The following DZIP1 variants were observed in gnomAD, a reference collection of about 807,000 sequenced individuals.
The protein encoded by DZIP1 is cilium assembly protein DZIP1.
DZIP1 carries 97 observed loss-of-function variants against 107.6 expected under a neutral mutation model. The observed-to-expected ratio is 0.90, with a 90% confidence interval of 0.77 to 1.07. The LOEUF (loss-of-function observed/expected upper bound fraction) is 1.07, where lower values mean the gene tolerates loss of function less well. Ranked by LOEUF, DZIP1 falls within the 50% of genes least tolerant of loss-of-function variation. DZIP1 has a pLI of 0.00. For missense variants in DZIP1, 1,035 were observed against 1,063.6 expected, an observed-to-expected ratio of 0.97 and a Z score of 0.37; for synonymous variants, 390 against 386.4, an observed-to-expected ratio of 1.01 and a Z score of -0.11.
chr13:95,611,454 C>A lies in DZIP1; in HGVS notation c.1354G>T (p.Glu452Ter). ...FTCNPLNSIS[E>*]PKGNPLAWQA... ...GATCCCATCCACTTACCTTTGGGTT[C>A]ACTGATACTGTTTAATGGATTACAG... The change falls in exon 12 of 23, where the codon GAA becomes TAA. Residue 452 changes from glutamate (E) to a stop codon, truncating the protein, a stop_gained. Transcript: ENST00000376829. LOFTEE classifies it high-confidence loss of function. 6.2e-7 allele frequency: 1 copy of A among 1,613,656 alleles called. No homozygotes were observed.
chr13:95,594,988 C>T (rs939451006), intron 15 of DZIP1, among the ~76,000 whole-genome samples: 4 of 152,250 alleles, frequency 2.6e-5, no homozygotes, highest in East Asian at 1.9e-4. Context: ...TAAAGAGATG[C>T]GACGTTTGGC....
intron 10 of DZIP1, among the ~76,000 whole-genome samples, chr13:95,619,457 T>G (rs967395570): frequency 3.3e-5 from 5 of 152,240 alleles, no homozygotes; most frequent in African/African-American, 1.2e-4. Context: ...GTCTCAGAAC[T>G]GCTTGTTTCA....
intron 10 of DZIP1, among the ~76,000 whole-genome samples, chr13:95,612,973 C>G (rs2045061760): frequency 6.6e-6 from 1 of 151,162 alleles, no homozygotes; most frequent in Non-Finnish European, 1.5e-5. Context: ...TAGATGTTTA[C>G]CGAGAAAAAG....
rs1875610003 is a variant in DZIP1 at position 95,619,907 on chromosome 13, T to A, written c.1151A>T (p.Glu384Val). 3.1e-6 allele frequency: 5 copies of A among 1,613,962 alleles called. No individual in the cohort carries two copies. Among genetic ancestry groups the A allele is most frequent in the Non-Finnish European group, 4.2e-6 (5 of 1,179,988 alleles). ...TACCCGACCCTTCTCTTTCTTGTGT[T>A]CTTGATGAATAGCTTGAACTCGAGC... ...WTARVQAIHQ[E>V]HKKEKGRLLS... The change falls in exon 10 of 23, where the codon GAA becomes GTA. Residue 384 changes from glutamate (E) to valine (V), a missense_variant. By Grantham distance (121) the Glu-to-Val change is moderately radical (BLOSUM62 -2). Transcript: ENST00000376829.
At chr13:95,600,647 G>T (rs2044595546) in intron 14 of DZIP1, among the ~76,000 whole-genome samples, 1 of 152,178 alleles carries the variant, frequency 6.6e-6, no homozygotes, top group African/African-American at 2.4e-5. Flanking sequence ...CAGACAGACA[G>T]ACAGGCTTAG....
At chr13:95,622,626 CTGCTTCCCTG>C in intron 8 of DZIP1, 146 bp from the exon 9 acceptor site, 1 of 822,972 alleles carries the variant, frequency 1.2e-6, no homozygotes, top group South Asian at 1.7e-5. Context: ...TCTCCTGCTT[CTGCTTCCCTG>C]TGGTTTTACT....
intron 22 of DZIP1, among the ~76,000 whole-genome samples, chr13:95,583,712 G>A (rs569529305): frequency 1.3e-5 from 2 of 152,246 alleles, no homozygotes; most frequent in South Asian, 4.1e-4. Context: ...ATTTAATAGG[G>A]AAACAGACTA....
intron 5 of DZIP1, among the ~76,000 whole-genome samples, chr13:95,635,647 T>C (rs1877710186): frequency 6.6e-6 from 1 of 152,156 alleles, no homozygotes; most frequent in Non-Finnish European, 1.5e-5. Flanking sequence ...TCTCGGGCTG[T>C]GTACAGCACT....
At chr13:95,588,410 A>G (rs571175632) in intron 19 of DZIP1, among the ~76,000 whole-genome samples, 27 of 152,218 alleles carry the variant, frequency 1.8e-4, no homozygotes, top group Non-Finnish European at 1.6e-4. Context: ...TATGTCATCA[A>G]TATCTCCAGA....
intron 10 of DZIP1, among the ~76,000 whole-genome samples, chr13:95,616,966 G>C (rs1208961615): frequency 6.6e-6 from 1 of 152,136 alleles, no homozygotes; most frequent in Non-Finnish European, 1.5e-5. Flanking sequence ...CTTGCACTTT[G>C]GGAGGCCGAG....
intron 6 of DZIP1, among the ~76,000 whole-genome samples, chr13:95,630,394 G>T (rs1004293711): frequency 1.3e-5 from 2 of 152,036 alleles, no homozygotes; most frequent in Non-Finnish European, 2.9e-5. Context: ...GAGCAATAAT[G>T]GTAACAAGGA....
chr13:95,619,840 C>A (rs1347080719), intron 10 of DZIP1, 45 bp downstream of exon 10: 2 of 1,575,310 alleles, frequency 1.3e-6, no homozygotes, highest in Non-Finnish European at 1.7e-6. Flanking sequence ...GCAAATATTT[C>A]TTTAAAAAAT....
At chr13:95,588,571 G>A (rs998772032) in intron 19 of DZIP1, among the ~76,000 whole-genome samples, 3 of 152,096 alleles carry the variant, frequency 2.0e-5, no homozygotes, top group African/African-American at 7.2e-5. Flanking sequence ...GAACTATCTC[G>A]TGAAAAAGGC....
At chr13:95,622,192 T>C (rs2139264515) in intron 9 of DZIP1, 151 bp downstream of exon 9, 1 of 924,934 alleles carries the variant, frequency 1.1e-6, no homozygotes, top group Non-Finnish European at 1.6e-6. Context: ...CCTCTTATGA[T>C]TTAGGCATGC....
intron 10 of DZIP1, among the ~76,000 whole-genome samples, chr13:95,614,563 C>T (rs570693044): frequency 1.3e-5 from 2 of 152,194 alleles, no homozygotes; most frequent in East Asian, 1.9e-4. Context: ...ATCAGAAAGG[C>T]ACGGAAAAGA....
chr13:95,640,006 T>G (rs1040105400), intron 5 of DZIP1, among the ~76,000 whole-genome samples: 1 of 151,600 alleles, frequency 6.6e-6, no homozygotes, highest in Non-Finnish European at 1.5e-5. Flanking sequence ...TTATTTTTTT[T>G]TTTTTGAGAT....
In DZIP1 at chr13:95,622,412, G is replaced by A. The variant is rs199815853; in HGVS notation, c.1041C>T (p.His347=). ...KSNIGTLKDA[H]EFKEDRSPYP... is the part of the protein sequence containing the mutation. The stretch of plus-strand genomic sequence containing the variant: ...ATGGAGAACGGTCTTCTTTAAACTC[G>A]TGTGCATCTTTTAATGTGCCTATGT... The change falls in exon 9 of 23, where the codon CAC becomes CAT. Residue 347 remains histidine, a synonymous_variant. Coordinates refer to ENST00000376829, the MANE Select transcript of DZIP1 (RefSeq NM_198968.4). The A allele has an allele frequency of 2.4e-5, 39 of 1,614,038 alleles. No homozygotes were observed. In the East Asian group the frequency reaches 5.8e-4, roughly 24 times the overall value.
intron 14 of DZIP1, among the ~76,000 whole-genome samples, 186 bp from the exon 15 acceptor site, chr13:95,599,610 G>A (rs1427448864): frequency 6.6e-6 from 1 of 152,070 alleles, no homozygotes; most frequent in African/African-American, 2.4e-5. Context: ...TCATATCTTC[G>A]ATTTCTATGT....
At chr13:95,618,294 C>T (rs1304321400) in intron 10 of DZIP1, among the ~76,000 whole-genome samples, 1 of 152,164 alleles carries the variant, frequency 6.6e-6, no homozygotes, top group South Asian at 2.1e-4. Flanking sequence ...TAGTACATAG[C>T]AGATGCTCAG....
Sources: gnomAD v4.1 joint callset for allele counts (sites outside exome capture counted in the v4.1 genomes callset) on GRCh38, gnomAD v4.1.1 for gene constraint, MANE v1.5 for transcripts, NCBI Gene and HGNC (gene_info 2026-07-23, HGNC 2026-07-21) for gene names.